ATP6V1H: variants seen among roughly 807,000 people sequenced by gnomAD.
The protein encoded by ATP6V1H is ATPase H+ transporting V1 subunit H.
A neutral mutation model predicts 71.7 loss-of-function variants in ATP6V1H; 39 were observed. The ratio of observed to expected loss-of-function variants is 0.54; its 90% CI spans 0.42 to 0.71. The LOEUF is 0.71. ATP6V1H is among the 30% of genes least tolerant of loss of function. The pLI is 0.00. For missense variants in ATP6V1H, 509 were observed against 594.9 expected, an observed-to-expected ratio of 0.86 and a Z score of 1.50; for synonymous variants, 192 against 199.3, an observed-to-expected ratio of 0.96 and a Z score of 0.31.
intron 8 of ATP6V1H, among the ~76,000 whole-genome samples, chr8:53,798,513 A>G (rs1252587308): frequency 6.6e-6 from 1 of 151,938 alleles, no homozygotes; most frequent in Non-Finnish European, 1.5e-5. Flanking sequence ...ACTCTGTCTC[A>G]GAAAGGAAAA....
At chr8:53,793,534 A>G (rs1691818499) in intron 9 of ATP6V1H, among the ~76,000 whole-genome samples, 1 of 152,050 alleles carries the variant, frequency 6.6e-6, no homozygotes, top group African/African-American at 2.4e-5. Context: ...AGTCCCAGCT[A>G]CTTGGGAGGC....
chr8:53,785,803 C>T lies in ATP6V1H; in HGVS notation c.870+9844G>A, dbSNP rs112337181. On this transcript the variant is annotated intron_variant, in intron 9 of 13. Transcript: ENST00000359530. Reference sequence around the variant, plus strand: ...TCTGTTGGAGTTCGCTGGAGGTCCACTCCTGACCCTGTTTGCCTGGGTATC... The same window carrying T: ...TCTGTTGGAGTTCGCTGGAGGTCCATTCCTGACCCTGTTTGCCTGGGTATC... 5.9e-5 allele frequency among the ~76,000 whole-genome samples: 9 copies of T among 152,332 alleles called. 1 individual carries two copies. Among genetic ancestry groups the T allele is most frequent in the African/African-American group, 2.2e-4 (9 of 41,584 alleles).
intron 10 of ATP6V1H, 24 bp from the exon 11 acceptor site, chr8:53,769,767 C>G: frequency 6.3e-7 from 1 of 1,579,820 alleles, no homozygotes; most frequent in Non-Finnish European, 8.6e-7. Context: ...CAAAAGAATT[C>G]AAGGTTTATA....
intron 7 of ATP6V1H, among the ~76,000 whole-genome samples, chr8:53,805,969 C>A (rs1230034095): frequency 6.6e-6 from 1 of 152,048 alleles, no homozygotes; most frequent in Admixed American, 6.6e-5. Flanking sequence ...ATAATGATAA[C>A]CTTTGTGCGA....
intron 13 of ATP6V1H, among the ~76,000 whole-genome samples, chr8:53,722,462 T>C (rs1010537645): frequency 6.6e-6 from 1 of 152,252 alleles, no homozygotes; most frequent in Non-Finnish European, 1.5e-5. Flanking sequence ...TGTGCAGTTA[T>C]GAGGACTTCT....
At chr8:53,812,437 G>C (rs1396074332) in intron 6 of ATP6V1H, among the ~76,000 whole-genome samples, 2 of 152,208 alleles carry the variant, frequency 1.3e-5, no homozygotes, top group Non-Finnish European at 2.9e-5. Flanking sequence ...CTAGTGATGA[G>C]AGAAATATTC....
intron 11 of ATP6V1H, among the ~76,000 whole-genome samples, chr8:53,763,795 A>G (rs1808358264): frequency 6.6e-6 from 1 of 152,230 alleles, no homozygotes; most frequent in Admixed American, 6.5e-5. Flanking sequence ...CCTGGAAGCT[A>G]GAGAGATGGG....
intron 5 of ATP6V1H, among the ~76,000 whole-genome samples, chr8:53,815,026 T>C (rs1289332514): frequency 6.6e-6 from 1 of 152,194 alleles, no homozygotes; most frequent in African/African-American, 2.4e-5. Flanking sequence ...TATTTTGAGT[T>C]TCAAAAGTAA....
chr8:53,841,370 T>C (rs1253661418), intron 2 of ATP6V1H, among the ~76,000 whole-genome samples: 1 of 152,158 alleles, frequency 6.6e-6, no homozygotes, highest in Non-Finnish European at 1.5e-5. Flanking sequence ...AAAAGCACCA[T>C]AAGCCGCTCT....
intron 13 of ATP6V1H, among the ~76,000 whole-genome samples, chr8:53,725,518 C>A (rs945727766): frequency 6.7e-6 from 1 of 149,514 alleles, no homozygotes; most frequent in African/African-American, 2.5e-5. Flanking sequence ...GCAGTCTTGA[C>A]TCAATTTCCA....
At chr8:53,751,734 G>A (rs1486444203) in intron 12 of ATP6V1H, among the ~76,000 whole-genome samples, 1 of 151,264 alleles carries the variant, frequency 6.6e-6, no homozygotes, top group Non-Finnish European at 1.5e-5. Context: ...CAGTCGCGCA[G>A]CCTAGGCTCA....
At chr8:53,833,839 G>C (rs1209692919) in intron 2 of ATP6V1H, among the ~76,000 whole-genome samples, 1 of 151,798 alleles carries the variant, frequency 6.6e-6, no homozygotes, top group Non-Finnish European at 1.5e-5. Context: ...TCAGCATCAT[G>C]TTCCTGTCAT....
chr8:53,725,400 T>C (rs1806778841), intron 13 of ATP6V1H, among the ~76,000 whole-genome samples: 2 of 151,882 alleles, frequency 1.3e-5, no homozygotes, highest in South Asian at 4.2e-4. Context: ...AAGAAATAAA[T>C]TCCATTTCTT....
At chr8:53,754,257 G>A (rs979098340) in intron 12 of ATP6V1H, among the ~76,000 whole-genome samples, 1 of 152,120 alleles carries the variant, frequency 6.6e-6, no homozygotes, top group Non-Finnish European at 1.5e-5. Context: ...CATGAGAAAT[G>A]TCTTCCTACA....
intron 9 of ATP6V1H, among the ~76,000 whole-genome samples, chr8:53,792,646 C>A (rs1437324090): frequency 2.6e-5 from 4 of 152,176 alleles, no homozygotes; most frequent in African/African-American, 9.7e-5. Context: ...AAGAGGACAG[C>A]TTTGGAGCTG....
At chr8:53,752,665 C>T (rs1807842199) in intron 12 of ATP6V1H, among the ~76,000 whole-genome samples, 1 of 152,120 alleles carries the variant, frequency 6.6e-6, no homozygotes, top group African/African-American at 2.4e-5. Context: ...ATTATCCTGC[C>T]TCAGCCTCCC....
In ATP6V1H at chr8:53,728,857, C is replaced by CT. The variant is rs532450962; in HGVS notation, c.1392-12834dup. On this transcript the variant is annotated intron_variant, in intron 13 of 13. Transcript: ENST00000359530. ...TCCCCAACGGATGCAGAGCTCGGTC[C>CT]TATCTAAGCATGCAACACACTGTGC... Among the ~76,000 whole-genome samples the CT allele has an allele frequency of 2.1e-3, 322 of 152,304 alleles. 1 individual carries two copies. The highest frequency in any genetic ancestry group is 7.3e-3 in the African/African-American group (303 of 41,556).
intron 12 of ATP6V1H, among the ~76,000 whole-genome samples, chr8:53,745,823 T>C (rs1471786602): frequency 6.6e-6 from 1 of 152,230 alleles, no homozygotes; most frequent in Non-Finnish European, 1.5e-5. Context: ...CGCTGCCTTG[T>C]TCCCCCACAG....
chr8:53,733,732 C>T (rs1352166619), intron 13 of ATP6V1H, among the ~76,000 whole-genome samples: 5 of 152,126 alleles, frequency 3.3e-5, no homozygotes. Flanking sequence ...GCAGTACTGG[C>T]CAAACCTCTG....
Sources: allele counts gnomAD v4.1 joint callset (sites outside exome capture counted in the v4.1 genomes callset), GRCh38; gene constraint gnomAD v4.1.1; transcripts MANE v1.5; gene names NCBI Gene and HGNC (gene_info 2026-07-23, HGNC 2026-07-21).